SNX29: variants seen among roughly 807,000 people sequenced by gnomAD.
SNX29 encodes the protein sorting nexin-29.
SNX29 carries 78 observed loss-of-function variants against 102.1 expected under a neutral mutation model. The ratio of observed to expected loss-of-function variants is 0.76; its 90% CI spans 0.64 to 0.92. SNX29 has a LOEUF of 0.92. SNX29 is among the 40% of genes least tolerant of loss of function. The probability of loss-of-function intolerance (pLI) is 0.00; values close to 1 mark genes in which losing one functional copy is unlikely to be tolerated. For synonymous variants in SNX29, 580 were observed against 414.5 expected (o/e 1.40, Z -4.85); for missense variants, 1,280 against 1,061.7 (o/e 1.21, Z -2.86).
At chr16:12,310,465 C>G (rs2080501939) in intron 15 of SNX29, among the ~76,000 whole-genome samples, 1 of 151,708 alleles carries the variant, frequency 6.6e-6, no homozygotes, top group South Asian at 2.1e-4. Flanking sequence ...AGGAATGAAC[C>G]ATTGGCACGC....
intron 13 of SNX29, among the ~76,000 whole-genome samples, chr16:12,182,970 C>G (rs536687365): frequency 3.4e-5 from 5 of 146,990 alleles, no homozygotes; most frequent in African/African-American, 5.0e-5. Context: ...ACATCATGAG[C>G]TTTGCAATAT....
At chr16:12,306,913 C>T (rs186563650) in intron 15 of SNX29, among the ~76,000 whole-genome samples, 6 of 152,228 alleles carry the variant, frequency 3.9e-5, no homozygotes, top group East Asian at 3.9e-4. Flanking sequence ...GAGAGGGCTT[C>T]GGTGATCGCA....
At chr16:12,524,576 C>G (rs953091670) in intron 19 of SNX29, 126 bp from the exon 20 acceptor site, 3 of 1,074,634 alleles carry the variant, frequency 2.8e-6, no homozygotes, top group African/African-American at 1.6e-5. Flanking sequence ...ACCATTCATA[C>G]GAGATAGTTG....
chr16:12,168,282 G>C (rs1456645384), intron 13 of SNX29, among the ~76,000 whole-genome samples: 1 of 152,114 alleles, frequency 6.6e-6, no homozygotes, highest in Non-Finnish European at 1.5e-5. Context: ...GGAGGGAGGA[G>C]CCTTTGGGGG....
At chr16:12,561,572 C>T (rs1000160449) in intron 20 of SNX29, among the ~76,000 whole-genome samples, 3 of 152,140 alleles carry the variant, frequency 2.0e-5, no homozygotes, top group East Asian at 1.9e-4. Context: ...TGAGGCTGTC[C>T]GATTAATGTC....
intron 20 of SNX29, among the ~76,000 whole-genome samples, chr16:12,563,223 GA>G (rs1478879961): frequency 1.3e-5 from 2 of 151,902 alleles, no homozygotes; most frequent in African/African-American, 4.8e-5. Flanking sequence ...CTCATACCCT[GA>G]AAGTGGCCTC....
At chr16:12,024,081 G>A (rs1028261765) in intron 3 of SNX29, among the ~76,000 whole-genome samples, 8 of 151,818 alleles carry the variant, frequency 5.3e-5, no homozygotes, top group African/African-American at 1.9e-4. Flanking sequence ...AAGAAGCTCA[G>A]AATGAGGAAA....
intron 14 of SNX29, among the ~76,000 whole-genome samples, chr16:12,240,593 T>TTC (rs2078073984): frequency 8.8e-6 from 1 of 114,170 alleles, no homozygotes; most frequent in South Asian, 2.8e-4. Context: ...TTCTTTTTTT[T>TTC]TTTTTTTTTT....
chr16:12,560,696 C>G (rs117602053), intron 20 of SNX29: 2 of 160,882 alleles, frequency 1.2e-5, no homozygotes, highest in African/African-American at 2.4e-5. Flanking sequence ...ATCTAGTCAT[C>G]GACTCTGGGC....
rs1397469671 is a variant in SNX29, at chr16:12,220,740, T to C, written c.1678+21057T>C. On this transcript the variant is annotated intron_variant, in intron 14 of 20. Coordinates refer to ENST00000566228, the MANE Select transcript of SNX29 (RefSeq NM_032167.5). ...AATGATTCATATTACGAATTATTCA[T>C]GAAAATGATCTTTTAAGCTTCTTAT... 2.0e-5 allele frequency among the ~76,000 whole-genome samples: 3 copies of C among 152,244 alleles called. No individual in the cohort carries two copies. In the East Asian group the frequency reaches 5.8e-4, roughly 29 times the overall value.
intron 20 of SNX29, among the ~76,000 whole-genome samples, chr16:12,528,965 C>G (rs762593632): frequency 3.3e-5 from 5 of 152,196 alleles, no homozygotes; most frequent in African/African-American, 4.8e-5. Flanking sequence ...TTAGATGGAA[C>G]CTGCTTTCAC....
chr16:12,211,286 T>C (rs1052882650), intron 14 of SNX29, among the ~76,000 whole-genome samples: 1 of 152,174 alleles, frequency 6.6e-6, no homozygotes, highest in Non-Finnish European at 1.5e-5. Flanking sequence ...TTCGAATACA[T>C]ATTCTGATAC....
In SNX29 at chr16:12,538,890, C is replaced by G. The variant is rs373499844; in HGVS notation, c.2318+14049C>G. On this transcript the variant is annotated intron_variant, in intron 20 of 20. Transcript: ENST00000566228. ...AGATGGGGCCATTTGTACACTTGCA[C>G]AGATTAATGACCTGTTCTAAGTGGG... 8.3e-5 allele frequency among the ~76,000 whole-genome samples: 12 copies of G among 144,748 alleles called. No individual in the cohort carries two copies. In the South Asian group the frequency reaches 1.7e-3, roughly 20 times the overall value. The allele number at this position is 144,748 out of a possible 152,430, so 95.0% of individuals were successfully genotyped here.
At chr16:12,466,173 G>C (rs7189458) in intron 18 of SNX29, among the ~76,000 whole-genome samples, 56,237 of 151,892 alleles carry the variant, frequency 0.37, 10,546 homozygotes, top group South Asian at 0.47. Context: ...AGAAATAAAA[G>C]GCATCCAAAT....
chr16:12,516,709 G>C (rs2089882012), intron 19 of SNX29, among the ~76,000 whole-genome samples: 1 of 152,160 alleles, frequency 6.6e-6, no homozygotes, highest in Non-Finnish European at 1.5e-5. Flanking sequence ...TTGATGAAAA[G>C]AAAAAGAACT....
intron 18 of SNX29, among the ~76,000 whole-genome samples, chr16:12,422,300 G>A (rs2084905206): frequency 6.6e-6 from 1 of 152,154 alleles, no homozygotes; most frequent in South Asian, 2.1e-4. Flanking sequence ...TCATGAGGTG[G>A]CAGAGAGGAA....
At chr16:12,547,210 G>C (rs1049491101) in intron 20 of SNX29, among the ~76,000 whole-genome samples, 1 of 152,198 alleles carries the variant, frequency 6.6e-6, no homozygotes, top group Admixed American at 6.5e-5. Context: ...ACCCGAAGTG[G>C]AGACCTGAGG....
intron 19 of SNX29, among the ~76,000 whole-genome samples, chr16:12,507,264 T>G (rs972264119): frequency 2.0e-5 from 3 of 152,196 alleles, no homozygotes; most frequent in Non-Finnish European, 2.9e-5. Context: ...GCACGGTGCC[T>G]GGCATTGAGC....
chr16:12,068,497 C>CAAAAAAAAAAAAAAAAAAAAA (rs150995842), intron 9 of SNX29, among the ~76,000 whole-genome samples: 1 of 87,470 alleles, frequency 1.1e-5, no homozygotes, highest in Non-Finnish European at 2.1e-5. Flanking sequence ...GACCCTGTCT[C>CAAAAAAAAAAAAAAAAAAAAA]AAAAAAAAAA....
Sources: gnomAD v4.1 joint callset for allele counts (sites outside exome capture counted in the v4.1 genomes callset) on GRCh38, gnomAD v4.1.1 for gene constraint, MANE v1.5 for transcripts, NCBI Gene and HGNC (gene_info 2026-07-23, HGNC 2026-07-21) for gene names.